The following IFT81 variants were observed in gnomAD, a reference collection of about 807,000 sequenced individuals.
IFT81 encodes the protein intraflagellar transport 81.
IFT81 carries 72 observed loss-of-function variants against 102.6 expected under a neutral mutation model. That is an observed-to-expected ratio of 0.70 (90% CI 0.58 to 0.85). The LOEUF is 0.85. IFT81 is among the 40% of genes least tolerant of loss of function. IFT81 has a pLI of 0.00. For synonymous variants in IFT81, 237 were observed against 242.7 expected (o/e 0.98, Z 0.22); for missense variants, 723 against 787.3 (o/e 0.92, Z 0.98).
intron 11 of IFT81, among the ~76,000 whole-genome samples, chr12:110,173,149 C>A (rs1223190123): frequency 6.9e-6 from 1 of 145,450 alleles, no homozygotes; most frequent in African/African-American, 2.6e-5. Flanking sequence ...CCAGCCGCCC[C>A]GTCCAGGAGG....
chr12:110,135,560 A>G (rs1474548063), intron 7 of IFT81, 123 bp downstream of exon 7: 2 of 598,016 alleles, frequency 3.3e-6, no homozygotes, highest in Non-Finnish European at 5.9e-6. Context: ...ATAATGGAAT[A>G]CTCTTTTAAT....
chr12:110,126,605 G>A (rs1176382538), intron 1 of IFT81, among the ~76,000 whole-genome samples: 1 of 152,176 alleles, frequency 6.6e-6, no homozygotes, highest in East Asian at 1.9e-4. Context: ...TGACAATTTG[G>A]AAATAAAGTT....
At chr12:110,141,078 G>A (rs1333646369) in intron 8 of IFT81, among the ~76,000 whole-genome samples, 3 of 151,876 alleles carry the variant, frequency 2.0e-5, no homozygotes, top group African/African-American at 7.3e-5. Flanking sequence ...AGGCTAGAGT[G>A]CAATGGCATG....
intron 9 of IFT81, among the ~76,000 whole-genome samples, chr12:110,144,861 G>T (rs1895111288): frequency 7.8e-6 from 1 of 128,582 alleles, no homozygotes; most frequent in Non-Finnish European, 1.6e-5. Flanking sequence ...CAGGTGCAGT[G>T]CCTTTTTTTT....
intron 4 of IFT81, among the ~76,000 whole-genome samples, chr12:110,130,837 C>T (rs1307201980): frequency 6.6e-6 from 1 of 151,736 alleles, no homozygotes; most frequent in Non-Finnish European, 1.5e-5. Context: ...CAATGATTTA[C>T]AATATATAAT....
chr12:110,192,728 G>A (rs1897852231), intron 14 of IFT81, 22 bp downstream of exon 14: 4 of 1,319,726 alleles, frequency 3.0e-6, no homozygotes, highest in Admixed American at 2.0e-5. Context: ...ATTTTATCAA[G>A]TAATTTGATT....
chr12:110,136,736 A>C (rs1236660217), intron 7 of IFT81, 40 bp from the exon 8 acceptor site: 1 of 1,237,714 alleles, frequency 8.1e-7, no homozygotes, highest in Admixed American at 1.8e-5. Context: ...GGTAAGCTTC[A>C]GTAGACTAAG....
chr12:110,145,788 T>G (rs1380302706), intron 9 of IFT81, among the ~76,000 whole-genome samples: 2 of 141,454 alleles, frequency 1.4e-5, no homozygotes, highest in African/African-American at 5.6e-5. Context: ...CCAAGTCAGA[T>G]CTGGCTAAAA....
Position 110,127,380 on chromosome 12 carries a change from T to G in IFT81, c.-1T>G, listed in dbSNP as rs1893908577. 6.4e-7 allele frequency: 1 copy of G among 1,569,400 alleles called. No homozygotes were observed. The highest frequency in any genetic ancestry group is 1.4e-5 in the African/African-American group (1 of 72,714). On this transcript the variant is annotated 5_prime_UTR_variant, in exon 2 of 19. In the 5' UTR this introduces an upstream ATG that the reference lacks. Coordinates refer to ENST00000242591, the MANE Select transcript of IFT81 (RefSeq NM_014055.4). ...TTTAGTTAAAATTATAAGACCTAAT[T>G]ATGAGTGATCAAATTAAATTCATTA...
At chr12:110,197,297 T>C (rs1898048623) in intron 14 of IFT81, among the ~76,000 whole-genome samples, 1 of 151,820 alleles carries the variant, frequency 6.6e-6, no homozygotes, top group Non-Finnish European at 1.5e-5. Flanking sequence ...GATAGATGTA[T>C]TTTGTGTGGG....
intron 14 of IFT81, among the ~76,000 whole-genome samples, chr12:110,194,033 A>G (rs775820144): frequency 1.3e-5 from 2 of 152,188 alleles, no homozygotes; most frequent in Non-Finnish European, 2.9e-5. Context: ...ACATGGCTAG[A>G]GCAGCAAGGG....
In IFT81 at chr12:110,205,470, C is replaced by G; in HGVS notation, c.1672C>G (p.Leu558Val). ...QEVRRLREEC[L>V]QEESRYHYTN... ...AGTTAGAAGACTCCGTGAAGAATGT[C>G]TTCAAGAAGAAAGTAGATACCATTA... The change falls in exon 16 of 19, where the codon CTT becomes GTT. Residue 558 changes from leucine (L) to valine (V), a missense_variant. Physicochemically the swap from Leu to Val is conservative, Grantham distance 32 (BLOSUM62 1). Coordinates refer to ENST00000242591, the MANE Select transcript of IFT81 (RefSeq NM_014055.4). 1 of 1,602,898 alleles carries G rather than the reference C, an allele frequency of 6.2e-7. No homozygotes were observed. The highest frequency in any genetic ancestry group is 8.5e-7 in the Non-Finnish European group (1 of 1,176,072).
chr12:110,127,545 T>G, intron 2 of IFT81, 21 bp downstream of exon 2: 1 of 1,571,524 alleles, frequency 6.4e-7, no homozygotes, highest in African/African-American at 1.4e-5. Context: ...TCTCTTTCTT[T>G]TTGATGGGTA....
In IFT81 at chr12:110,128,083, C is replaced by G. The variant is rs778883054; in HGVS notation, c.182C>G (p.Thr61Arg). The change falls in exon 3 of 19, where the codon ACA (threonine) becomes AGA (arginine). Residue 61 changes from threonine to arginine, a missense_variant. By Grantham distance (71) the Thr-to-Arg change is moderately conservative. Coordinates refer to ENST00000242591, the MANE Select transcript of IFT81 (RefSeq NM_014055.4). ...VDIREEMPEQTAKRMLSLLGI... is the reference protein window; with the variant it reads ...VDIREEMPEQRAKRMLSLLGI... ...ATCAGAGAGGAGATGCCAGAGCAGA[C>G]AGCCAAACGAATGTTGAGCCTTCTT... The G allele has an allele frequency of 5.6e-6, 9 of 1,613,714 alleles. No homozygotes were observed. Among genetic ancestry groups the G allele is most frequent in the Non-Finnish European group, 7.6e-6 (9 of 1,179,700 alleles).
chr12:110,158,241 TG>T (rs1175283523), intron 10 of IFT81, among the ~76,000 whole-genome samples: 1 of 151,876 alleles, frequency 6.6e-6, no homozygotes, highest in Non-Finnish European at 1.5e-5. Flanking sequence ...CCATCACACC[TG>T]GCTAATTTTT....
intron 11 of IFT81, among the ~76,000 whole-genome samples, chr12:110,177,122 A>G (rs746074209): frequency 6.6e-6 from 1 of 152,244 alleles, no homozygotes; most frequent in Admixed American, 6.5e-5. Context: ...TTTTTAAAGA[A>G]GTTTCTGTAA....
intron 18 of IFT81, among the ~76,000 whole-genome samples, chr12:110,211,841 G>C (rs1869489249): frequency 6.6e-6 from 1 of 152,020 alleles, no homozygotes; most frequent in Non-Finnish European, 1.5e-5. Context: ...TAGCATCATA[G>C]GTAGGGGTTG....
intron 11 of IFT81, among the ~76,000 whole-genome samples, chr12:110,165,318 CA>C (rs1896375764): frequency 1.3e-5 from 2 of 151,996 alleles, no homozygotes; most frequent in African/African-American, 4.8e-5. Context: ...GCCATATGGA[CA>C]AAAGAGAAGA....
intron 8 of IFT81, among the ~76,000 whole-genome samples, chr12:110,137,516 T>C (rs942739040): frequency 6.6e-6 from 1 of 151,024 alleles, no homozygotes; most frequent in Non-Finnish European, 1.5e-5. Context: ...GGTGGATCAC[T>C]TGAGGTCAGG....
Sources: gnomAD v4.1 joint callset for allele counts (sites outside exome capture counted in the v4.1 genomes callset) on GRCh38, gnomAD v4.1.1 for gene constraint, MANE v1.5 for transcripts, NCBI Gene and HGNC (gene_info 2026-07-23, HGNC 2026-07-21) for gene names.